Variants in FRK observed in about 807,000 individuals in gnomAD.
FRK encodes the protein fyn related Src family tyrosine kinase.
In FRK, 51 loss-of-function variants were observed where a neutral mutation model predicts 56.4. That is an observed-to-expected ratio of 0.90 (90% CI 0.72 to 1.14). The LOEUF is 1.14. FRK is among the 50% of genes most tolerant of loss of function. The pLI is 0.00. For synonymous variants in FRK, 245 were observed against 217.9 expected (o/e 1.12, Z -1.10); for missense variants, 570 against 601.4 (o/e 0.95, Z 0.55).
chr6:116,058,467 T>A (rs1161578297), intron 1 of FRK, among the ~76,000 whole-genome samples: 1 of 152,126 alleles, frequency 6.6e-6, no homozygotes, highest in Non-Finnish European at 1.5e-5. Flanking sequence ...GATGTATGAG[T>A]TTGGAAAGCA....
chr6:116,087,417 C>T, the FRK span, among the ~76,000 whole-genome samples: 61 of 152,336 alleles, frequency 4.0e-4, no homozygotes, highest in Non-Finnish European at 6.8e-4. Flanking sequence ...CTGCCCTCTG[C>T]ACCCTAGAGT....
chr6:116,055,611 T>C (rs1253601616), intron 1 of FRK, among the ~76,000 whole-genome samples: 1 of 152,240 alleles, frequency 6.6e-6, no homozygotes, highest in Non-Finnish European at 1.5e-5. Flanking sequence ...ATAAACTTTA[T>C]GGCCTTTATT....
Position 115,956,396 on chromosome 6 carries a change from T to A in FRK, c.958+56A>T, listed in dbSNP as rs774305846. 7 of 1,328,756 alleles carry A rather than the reference T, an allele frequency of 5.3e-6. No homozygotes were observed. In the East Asian group the frequency reaches 1.5e-4, roughly 28 times the overall value. 82.3% of individuals were successfully genotyped at this position (1,328,756 alleles called of 1,614,324 possible). On this transcript the variant is annotated intron_variant, in intron 5 of 7. Transcript: ENST00000606080. The stretch of plus-strand genomic sequence containing the variant: ...AGAAGGCTTGCTAAATTGACACTTA[T>A]GGGACTAGCTAAATTAAATTCCTCT...
chr6:116,070,104 AT>A, the FRK span, among the ~76,000 whole-genome samples: 1 of 150,956 alleles, frequency 6.6e-6, no homozygotes, highest in African/African-American at 2.4e-5. Flanking sequence ...TAATTATCTC[AT>A]TTTAGAATGA....
intron 1 of FRK, among the ~76,000 whole-genome samples, chr6:116,014,602 A>G (rs1472546417): frequency 6.6e-6 from 1 of 152,028 alleles, no homozygotes; most frequent in East Asian, 1.9e-4. Flanking sequence ...ATGTTTACAG[A>G]TAATTCCATG....
At chr6:116,007,607 T>C (rs575252862) in intron 1 of FRK, among the ~76,000 whole-genome samples, 2 of 152,176 alleles carry the variant, frequency 1.3e-5, no homozygotes, top group Non-Finnish European at 2.9e-5. Context: ...CTAGTAAAAT[T>C]TGAGCATTTT....
chr6:115,967,581 T>A lies in FRK; in HGVS notation c.769A>T (p.Thr257Ser). Residue 257 changes from threonine to serine, a missense_variant, in exon 4 of 8, where the codon ACT (threonine) becomes TCT (serine). By Grantham distance (58) the Thr-to-Ser change is moderately conservative (BLOSUM62 1). Transcript: ENST00000606080. ...EVWEGLWNNT[T>S]PVAVKTLKPG... ...TTTAATGTTTTCACTGCTACTGGAG[T>A]GGTATTGTTCCACAGACCTTCCCAT... The A allele has an allele frequency of 6.2e-7, 1 of 1,613,618 alleles. No homozygotes were observed. The highest frequency in any genetic ancestry group is 8.5e-7 in the Non-Finnish European group (1 of 1,179,742).
intron 4 of FRK, among the ~76,000 whole-genome samples, chr6:115,959,912 G>C (rs562814874): frequency 1.3e-5 from 2 of 151,960 alleles, no homozygotes; most frequent in Admixed American, 6.6e-5. Context: ...TTTTCAGTTC[G>C]TGGAACCCTT....
chr6:116,039,220 T>G, intron 1 of FRK: 1 of 1,472,504 alleles, frequency 6.8e-7, no homozygotes, highest in Non-Finnish European at 9.5e-7. Context: ...CGTGAAGGAC[T>G]GGAGCAAGGT....
intron 1 of FRK, among the ~76,000 whole-genome samples, chr6:116,051,882 T>G (rs1443909351): frequency 6.6e-6 from 1 of 152,156 alleles, no homozygotes; most frequent in Non-Finnish European, 1.5e-5. Flanking sequence ...AGTCAGACTT[T>G]CAGCTTATGT....
chr6:116,047,891 G>A (rs1207789460), intron 1 of FRK, among the ~76,000 whole-genome samples: 5 of 152,238 alleles, frequency 3.3e-5, no homozygotes, highest in Admixed American at 2.0e-4. Flanking sequence ...GCCAAAGCCC[G>A]TGATTTGGCA....
chr6:115,956,560 G>T lies in FRK; in HGVS notation c.850C>A (p.Leu284Ile). The part of the protein sequence containing the change: ...FLREAQIMKN[L>I]RHPKLIQLYA... ...AGCTGGATAAGCTTTGGATGTCTTA[G>T]GTTCTTCATTATCTGTGCCTCCCTC... The change falls in exon 5 of 8, where the codon CTA becomes ATA. Residue 284 changes from leucine (L) to isoleucine (I), a missense_variant. Physicochemically the swap from Leu to Ile is conservative, Grantham distance 5. Coordinates refer to ENST00000606080, the MANE Select transcript of FRK (RefSeq NM_002031.3). The T allele has an allele frequency of 6.3e-7, 1 of 1,589,872 alleles. No homozygotes were observed. Among genetic ancestry groups the T allele is most frequent in the Non-Finnish European group, 8.6e-7 (1 of 1,168,734 alleles).
intron 1 of FRK, among the ~76,000 whole-genome samples, chr6:116,030,074 C>T (rs1485461402): frequency 1.3e-5 from 2 of 152,064 alleles, no homozygotes; most frequent in African/African-American, 2.4e-5. Context: ...ACAGACCCCT[C>T]GGAAGAAGGT....
At chr6:115,991,730 A>T (rs9488822) in intron 2 of FRK, among the ~76,000 whole-genome samples, 52,500 of 151,304 alleles carry the variant, frequency 0.35, 9,289 homozygotes, top group Admixed American at 0.41. Flanking sequence ...AGCCTACAGT[A>T]TTATTTTTTT....
chr6:116,034,360 A>T (rs1209969387), intron 1 of FRK, among the ~76,000 whole-genome samples: 1 of 152,156 alleles, frequency 6.6e-6, no homozygotes, highest in East Asian at 1.9e-4. Context: ...TCACATGTAC[A>T]CCATAAATAT....
the FRK span, among the ~76,000 whole-genome samples, chr6:116,096,865 A>G: frequency 6.6e-6 from 1 of 152,234 alleles, no homozygotes; most frequent in South Asian, 2.1e-4. Flanking sequence ...GCCACCTTTA[A>G]GAGCTGTAAC....
At chr6:116,087,619 G>A in the FRK span, among the ~76,000 whole-genome samples, 1 of 152,238 alleles carries the variant, frequency 6.6e-6, no homozygotes, top group Non-Finnish European at 1.5e-5. Context: ...GTAGCCCACA[G>A]ATGGAACAGA....
At chr6:116,000,390 G>C (rs12204638) in intron 2 of FRK, among the ~76,000 whole-genome samples, 10,485 of 151,466 alleles carry the variant, frequency 0.069, 524 homozygotes, top group Non-Finnish European at 0.11. Context: ...TTACAGGTGT[G>C]CACCACCATG....
chr6:115,948,226 A>T (rs1428561471), intron 5 of FRK, among the ~76,000 whole-genome samples: 1 of 152,172 alleles, frequency 6.6e-6, no homozygotes, highest in African/African-American at 2.4e-5. Flanking sequence ...CTTGCAGCCA[A>T]CAACCAGAAA....
Sources: allele counts gnomAD v4.1 joint callset (sites outside exome capture counted in the v4.1 genomes callset), GRCh38; gene constraint gnomAD v4.1.1; transcripts MANE v1.5; gene names NCBI Gene and HGNC (gene_info 2026-07-23, HGNC 2026-07-21).